Variants in BRD4 observed in about 807,000 individuals in gnomAD.
BRD4 encodes bromodomain-containing protein 4.
A neutral mutation model predicts 142.1 loss-of-function variants in BRD4; 16 were observed. The ratio of observed to expected loss-of-function variants is 0.11; its 90% CI spans 0.08 to 0.17. BRD4 has a LOEUF of 0.17. BRD4 is among the 10% of genes least tolerant of loss of function. BRD4 has a pLI of 1.00. For missense variants in BRD4, 1,424 were observed against 1,810.9 expected, an observed-to-expected ratio of 0.79 and a Z score of 3.88; for synonymous variants, 833 against 707.5, an observed-to-expected ratio of 1.18 and a Z score of -2.82.
intron 1 of BRD4, among the ~76,000 whole-genome samples, chr19:15,300,041 T>G (rs1401677265): frequency 6.6e-6 from 1 of 151,900 alleles, no homozygotes. Flanking sequence ...GCCCAGGAGC[T>G]GGAGACCAAC....
intron 11 of BRD4, chr19:15,248,057 C>A (rs1192951800): frequency 9.4e-6 from 2 of 212,892 alleles, no homozygotes; most frequent in Non-Finnish European, 1.9e-5. Flanking sequence ...GAAGGCAGGC[C>A]TCTAGGAAGC....
intron 4 of BRD4, among the ~76,000 whole-genome samples, 200 bp from the exon 5 acceptor site, chr19:15,265,843 C>A (rs1185382843): frequency 2.0e-5 from 3 of 152,160 alleles, no homozygotes; most frequent in African/African-American, 7.2e-5. Flanking sequence ...ACCGCACTTC[C>A]CATTTCCTAG....
intron 1 of BRD4, among the ~76,000 whole-genome samples, chr19:15,317,248 CT>C (rs751557187): frequency 2.0e-5 from 3 of 152,162 alleles, no homozygotes; most frequent in Non-Finnish European, 4.4e-5. Flanking sequence ...TTTCTGAGGA[CT>C]TAAGGAATGC....
intron 1 of BRD4, among the ~76,000 whole-genome samples, chr19:15,330,275 T>A (rs1056554719): frequency 6.6e-6 from 1 of 152,190 alleles, no homozygotes; most frequent in Non-Finnish European, 1.5e-5. Flanking sequence ...GTATGGTGGA[T>A]AACAGAGCAG....
chr19:15,309,714 T>C (rs960516741), intron 1 of BRD4, among the ~76,000 whole-genome samples: 7 of 152,124 alleles, frequency 4.6e-5, no homozygotes, highest in Admixed American at 3.3e-4. Flanking sequence ...AACCAGATTT[T>C]CTGAAATTGG....
At chr19:15,269,882 T>G (rs1307144336) in intron 2 of BRD4, among the ~76,000 whole-genome samples, 1 of 152,182 alleles carries the variant, frequency 6.6e-6, no homozygotes. Context: ...ATTCTAAAAC[T>G]AAGTTCATTT....
intron 10 of BRD4, 78 bp downstream of exon 10, chr19:15,255,219 G>T: frequency 1.5e-6 from 2 of 1,370,114 alleles, no homozygotes; most frequent in Non-Finnish European, 2.0e-6. Flanking sequence ...CGCAGAAAGA[G>T]TGGACTGAGC....
chr19:15,265,328 AG>A, intron 5 of BRD4, 25 bp downstream of exon 5: 1 of 1,475,208 alleles, frequency 6.8e-7, no homozygotes, highest in Non-Finnish European at 9.0e-7. Context: ...CTGGTGAAGC[AG>A]CCCTCCAGAG....
chr19:15,265,443 G>GCAC lies in BRD4; in HGVS notation c.757_759dup (p.Val253dup). 7.5e-7 allele frequency: 1 copy of GCAC among 1,335,506 alleles called. No homozygotes were observed. The highest frequency in any genetic ancestry group is 1.1e-6 in the Non-Finnish European group (1 of 942,092). 82.7% of individuals were successfully genotyped at this position (1,335,506 alleles called of 1,614,324 possible). The stretch of plus-strand genomic sequence containing the variant: ...GCGGGTGGGGGTTGTGGCTGGGGGG[G>GCAC]CACTGGCGGGGGCGTCTGCAGTGGC... On this transcript the variant is annotated inframe_insertion, in exon 5 of 20. Transcript: ENST00000679869.
intron 1 of BRD4, among the ~76,000 whole-genome samples, chr19:15,324,787 C>T (rs1273719923): frequency 1.3e-5 from 2 of 152,188 alleles, no homozygotes; most frequent in Non-Finnish European, 2.9e-5. Context: ...TGGATCATTT[C>T]CCCAAACTCT....
rs1421117411 is a variant in BRD4, at chr19:15,243,193, G to A, written c.2876C>T (p.Pro959Leu). 28 of 872,012 alleles carry A rather than the reference G, an allele frequency of 3.2e-5. No individual in the cohort carries two copies. The highest frequency in any genetic ancestry group is 7.4e-4 in the Middle Eastern group (2 of 2,686). 54.0% of individuals were successfully genotyped at this position (872,012 alleles called of 1,614,324 possible). A position where few individuals can be genotyped will look rare whatever the true frequency, so the allele number is the denominator to read the frequency against. ...CTGCACAGAGGGGTGGGGTGGGGGC[G>A]GCAGGGGGGGTGGGGGCTGGGACTG... ...KVQSQPPPPL[P>L]PPPHPSVQQQ... The change falls in exon 14 of 20, where the codon CCG becomes CTG. Residue 959 changes from proline to leucine, a missense_variant. Physicochemically the swap from Pro to Leu is moderately conservative, Grantham distance 98 (BLOSUM62 -3). Around this residue, in one of 16 missense-constraint regions of BRD4, gnomAD observed 598 missense variants for 647.8 expected, o/e 0.92. Coordinates refer to ENST00000679869, the MANE Select transcript of BRD4 (RefSeq NM_001379291.1).
At chr19:15,313,760 A>C (rs1056286650) in intron 1 of BRD4, among the ~76,000 whole-genome samples, 6 of 152,188 alleles carry the variant, frequency 3.9e-5, no homozygotes, top group South Asian at 2.1e-4. Flanking sequence ...ATGGAGTAAA[A>C]GCCAAGCAGG....
chr19:15,295,111 C>T lies in BRD4; in HGVS notation c.-34-21978G>A, dbSNP rs201877342. Among the ~76,000 whole-genome samples, 6 of 152,334 alleles carry T rather than the reference C, an allele frequency of 3.9e-5. No homozygotes were observed. In the East Asian group the frequency reaches 9.6e-4, roughly 24 times the overall value. On this transcript the variant is annotated intron_variant, in intron 1 of 19. Coordinates refer to ENST00000679869, the MANE Select transcript of BRD4 (RefSeq NM_001379291.1). ...CCATATTGTTGAAGTTGAACCTCTGCCCATCCCAGAAAACCAGCTTGCTGG... is the reference window on the plus strand; with the variant it reads ...CCATATTGTTGAAGTTGAACCTCTGTCCATCCCAGAAAACCAGCTTGCTGG...
intron 1 of BRD4, among the ~76,000 whole-genome samples, chr19:15,297,956 G>A (rs776206812): frequency 3.9e-5 from 6 of 152,214 alleles, no homozygotes; most frequent in Non-Finnish European, 8.8e-5. Flanking sequence ...CAAGATGAAA[G>A]AAAAGGAAGC....
At chr19:15,276,320 A>G (rs771106410) in intron 1 of BRD4, among the ~76,000 whole-genome samples, 3 of 152,214 alleles carry the variant, frequency 2.0e-5, no homozygotes, top group Non-Finnish European at 4.4e-5. Context: ...CCCAGATTTG[A>G]TATGAGGTCA....
Position 15,239,582 on chromosome 19 carries a change from C to T in BRD4, c.3446-60G>A. On this transcript the variant is annotated intron_variant, in intron 16 of 19. Transcript: ENST00000679869. This position sits in a 1 kb window ranked among gnomAD's most constrained non-coding sequence, Gnocchi z 7.4. Reference sequence around the variant, plus strand: ...CTCACCCCAGTGGGGCATGGTCCACCAGCCCCACAGCAAGCTTATGTCCAA... The same window carrying T: ...CTCACCCCAGTGGGGCATGGTCCACTAGCCCCACAGCAAGCTTATGTCCAA... The T allele has an allele frequency of 6.4e-7, 1 of 1,564,846 alleles. No individual in the cohort carries two copies. The highest frequency in any genetic ancestry group is 8.6e-7 in the Non-Finnish European group (1 of 1,161,362).
chr19:15,270,618 G>C (rs74432556), intron 2 of BRD4, among the ~76,000 whole-genome samples: 4 of 152,190 alleles, frequency 2.6e-5, no homozygotes, highest in Non-Finnish European at 1.5e-5. Context: ...CAGAGAGAAC[G>C]GTGGGGGAAG....
At position 15,244,276 on chromosome 19, in the gene BRD4, TG is replaced by T; in HGVS notation, c.2535del (p.His845GlnfsTer50). On this transcript the variant is annotated frameshift_variant, in exon 13 of 20. Transcript: ENST00000679869. LOFTEE classifies it high-confidence loss of function. Reference sequence around the variant, plus strand: ...TGCTGGTTGAGATGGGGTGGAGTGCTGTGCTCAGGCGGCTGGGGCAGGTGAG... The same window carrying T: ...TGCTGGTTGAGATGGGGTGGAGTGCTTGCTCAGGCGGCTGGGGCAGGTGAG... ...LPPHLPQPPE[H>X]STPPHLNQHA... 1 of 1,589,260 alleles carries T rather than the reference TG, an allele frequency of 6.3e-7. No individual in the cohort carries two copies. Among genetic ancestry groups the T allele is most frequent in the Non-Finnish European group, 8.5e-7 (1 of 1,170,070 alleles).
At chr19:15,320,805 C>A (rs2048054949) in intron 1 of BRD4, among the ~76,000 whole-genome samples, 1 of 152,252 alleles carries the variant, frequency 6.6e-6, no homozygotes, top group African/African-American at 2.4e-5. Context: ...CCTTAACTAT[C>A]TTCATTCTAC....
Sources: allele counts gnomAD v4.1 joint callset (sites outside exome capture counted in the v4.1 genomes callset), GRCh38; gene constraint gnomAD v4.1.1; regional missense constraint gnomAD v4.1.1; non-coding constraint Gnocchi (gnomAD v3.1); transcripts MANE v1.5; gene names NCBI Gene and HGNC (gene_info 2026-07-23, HGNC 2026-07-21).